RBBP7: variants seen among roughly 807,000 people sequenced by gnomAD.
The protein encoded by RBBP7 is histone-binding protein RBBP7.
Under a neutral mutation model 35.2 loss-of-function variants are expected in RBBP7, and 5 were observed. The ratio of observed to expected loss-of-function variants is 0.14; its 90% CI spans 0.07 to 0.30. The LOEUF (loss-of-function observed/expected upper bound fraction) is 0.30. Ranked by LOEUF, RBBP7 falls within the 10% of genes least tolerant of loss-of-function variation. The pLI, the probability that RBBP7 is intolerant of heterozygous loss-of-function variation, is 1.00. For synonymous variants in RBBP7, 140 were observed against 118.7 expected (o/e 1.18, Z -1.17); for missense variants, 155 against 327.5 (o/e 0.47, Z 4.07).
intron 2 of RBBP7, among the ~76,000 whole-genome samples, chrX:16,867,191 C>T (rs1356240527): frequency 2.7e-5 from 3 of 111,223 alleles, no homozygotes; most frequent in Non-Finnish European, 5.7e-5. Context: ...TTATTTCATT[C>T]CCTCAAATGT....
intron 2 of RBBP7, 47 bp downstream of exon 2, chrX:16,869,029 A>G: frequency 8.6e-7 from 1 of 1,169,386 alleles, no homozygotes; most frequent in Non-Finnish European, 1.1e-6. Flanking sequence ...GGAAATTCAG[A>G]ACGACAGTTA....
intron 3 of RBBP7, among the ~76,000 whole-genome samples, chrX:16,859,639 G>A (rs1329012710): frequency 8.9e-6 from 1 of 112,199 alleles, no homozygotes; most frequent in African/African-American, 3.2e-5. Flanking sequence ...ATTAGTTGCT[G>A]ACGCTTAAAA....
At chrX:16,852,514 T>C (rs753518799) in intron 8 of RBBP7, 37 bp downstream of exon 8, 9 of 1,183,237 alleles carry the variant, frequency 7.6e-6, no homozygotes, top group East Asian at 3.0e-5. Context: ...CTGGATTTCA[T>C]TTCCTGACAT....
intron 3 of RBBP7, among the ~76,000 whole-genome samples, chrX:16,859,837 T>C (rs1930426155): frequency 9.0e-6 from 1 of 111,438 alleles, no homozygotes; most frequent in Non-Finnish European, 1.9e-5. Flanking sequence ...GAGCAAACCA[T>C]TTCTCAGTTC....
intron 6 of RBBP7, chrX:16,853,392 A>G (rs1208494903): frequency 4.7e-6 from 1 of 214,136 alleles, no homozygotes; most frequent in East Asian, 8.2e-5. Context: ...TTTCTAAATA[A>G]TAAGTGATCC....
At chrX:16,867,840 G>GT (rs1930664047) in intron 2 of RBBP7, among the ~76,000 whole-genome samples, 2 of 106,379 alleles carry the variant, frequency 1.9e-5, no homozygotes, top group Admixed American at 1.0e-4. Context: ...TGCCACGCCC[G>GT]GTTTTTTTTT....
At chrX:16,869,717 G>A in intron 1 of RBBP7, 6 of 986,334 alleles carry the variant, frequency 6.1e-6, no homozygotes, top group Non-Finnish European at 5.1e-6. Context: ...CGCGTAGAAA[G>A]AGCCGCGGCG....
intron 6 of RBBP7, 128 bp from the exon 7 acceptor site, chrX:16,853,003 C>T: frequency 1.4e-5 from 15 of 1,064,454 alleles, no homozygotes; most frequent in Non-Finnish European, 1.8e-5. Flanking sequence ...ACCAACCACA[C>T]AGCTGGTGAT....
intron 2 of RBBP7, among the ~76,000 whole-genome samples, chrX:16,867,841 G>GTT (rs746976479): frequency 3.5e-4 from 33 of 95,453 alleles, no homozygotes; most frequent in African/African-American, 9.8e-4. Flanking sequence ...GCCACGCCCG[G>GTT]TTTTTTTTTT....
At chrX:16,852,486 A>G in intron 8 of RBBP7, 65 bp downstream of exon 8, 1 of 1,123,332 alleles carries the variant, frequency 8.9e-7, no homozygotes, top group Non-Finnish European at 1.2e-6. Flanking sequence ...AGTCTGGTAT[A>G]GCTTAACTGA....
chrX:16,862,183 C>G (rs1930492918), intron 3 of RBBP7, among the ~76,000 whole-genome samples: 1 of 111,965 alleles, frequency 8.9e-6, no homozygotes, highest in African/African-American at 3.3e-5. Context: ...CCTCCCTGAA[C>G]TTGCCGATGT....
In RBBP7 at chrX:16,870,127, C is replaced by T; in HGVS notation, c.-74G>A. On this transcript the variant is annotated 5_prime_UTR_variant, in exon 1 of 12. Transcript: ENST00000380087. ...TAGCCAAGAGCAGCCCGACCGCTGG[C>T]GCTCCTGCCTTTCCCAAGCGCGTCA... The T allele has an allele frequency of 1.9e-6, 2 of 1,033,355 alleles. No homozygotes were observed. Among genetic ancestry groups the T allele is most frequent in the South Asian group, 5.3e-5 (2 of 38,078 alleles). 85.2% of individuals were successfully genotyped at this position (1,033,355 alleles called of 1,213,427 possible).
At chrX:16,864,153 G>GAC (rs751321152) in intron 2 of RBBP7, among the ~76,000 whole-genome samples, 13 of 108,932 alleles carry the variant, frequency 1.2e-4, no homozygotes, top group South Asian at 3.9e-4. Flanking sequence ...ATGGAGAAGA[G>GAC]ACACACACAC....
chrX:16,860,837 A>C (rs181153378), intron 3 of RBBP7, among the ~76,000 whole-genome samples: 169 of 111,253 alleles, frequency 1.5e-3, no homozygotes, highest in African/African-American at 5.5e-3. Context: ...AAGCCCGGTA[A>C]ATACATACTT....
intron 10 of RBBP7, chrX:16,847,778 C>G (rs371455549): frequency 9.2e-6 from 1 of 108,368 alleles, no homozygotes; most frequent in East Asian, 3.0e-4. Context: ...GTTTCCCAGC[C>G]TGGTCTTGAA....
chrX:16,870,183 T>G lies in RBBP7; in HGVS notation c.-130A>C, dbSNP rs1009075990. The G allele has an allele frequency of 2.4e-6, 2 of 820,370 alleles. No homozygotes were observed. Among genetic ancestry groups the G allele is most frequent in the Non-Finnish European group, 3.0e-6 (2 of 666,033 alleles). The allele number at this position is 820,370 out of a possible 1,213,427, so 67.6% of individuals were successfully genotyped here. A position where few individuals can be genotyped will look rare whatever the true frequency, so the allele number is the denominator to read the frequency against. On this transcript the variant is annotated 5_prime_UTR_variant, in exon 1 of 12. Transcript: ENST00000380087. ...CCCACTGTCGAAAGCCCGGGCCCCG[T>G]CTTGCTGCCTGGGTGCTCCCCAGAC...
intron 2 of RBBP7, among the ~76,000 whole-genome samples, chrX:16,865,196 G>A (rs1226356354): frequency 1.0e-4 from 11 of 110,139 alleles, no homozygotes; most frequent in African/African-American, 3.6e-4. Context: ...ACCAGCCTGG[G>A]CAACGTGGCA....
At chrX:16,862,883 G>T in intron 3 of RBBP7, 72 bp downstream of exon 3, 1 of 1,112,499 alleles carries the variant, frequency 9.0e-7, no homozygotes, top group Non-Finnish European at 1.2e-6. Context: ...TAATAGTATA[G>T]TTTTAATAGC....
chrX:16,859,432 C>T (rs1252064883), intron 3 of RBBP7, among the ~76,000 whole-genome samples: 1 of 111,886 alleles, frequency 8.9e-6, no homozygotes, highest in Non-Finnish European at 1.9e-5. Flanking sequence ...AACCTCTCCG[C>T]CCATCTGGTG....
Sources: gnomAD v4.1 joint callset for allele counts (sites outside exome capture counted in the v4.1 genomes callset) on GRCh38, gnomAD v4.1.1 for gene constraint, MANE v1.5 for transcripts, NCBI Gene and HGNC (gene_info 2026-07-23, HGNC 2026-07-21) for gene names.